PHLPP2: variants seen among roughly 807,000 people sequenced by gnomAD.
The protein encoded by PHLPP2 is PH domain leucine-rich repeat-containing protein phosphatase 2.
In PHLPP2, 66 loss-of-function variants were observed where a neutral mutation model predicts 124.9. The observed-to-expected ratio is 0.53, with a 90% CI of 0.43 to 0.65. The LOEUF is 0.65. PHLPP2 is among the 30% of genes least tolerant of loss of function. The pLI, the probability that PHLPP2 is intolerant of heterozygous loss-of-function variation, is 0.00. For missense variants in PHLPP2, 1,685 were observed against 1,600.4 expected, an observed-to-expected ratio of 1.05 and a Z score of -0.90; for synonymous variants, 681 against 624.7, an observed-to-expected ratio of 1.09 and a Z score of -1.34.
At chr16:71,655,033 A>G in intron 17 of PHLPP2, 1 of 510,204 alleles carries the variant, frequency 2.0e-6, no homozygotes, top group African/African-American at 1.9e-5. Flanking sequence ...TTTGGATTCA[A>G]CAGAGAAAAC....
chr16:71,704,521 A>G (rs1239853153), intron 2 of PHLPP2, among the ~76,000 whole-genome samples: 2 of 152,172 alleles, frequency 1.3e-5, no homozygotes, highest in East Asian at 3.9e-4. Context: ...AATCATACTG[A>G]TGTACAAAAA....
At position 71,645,571 on chromosome 16, in the gene PHLPP2, C is replaced by T. The variant is rs2044647867; in HGVS notation, c.*3319G>A. The T allele has an allele frequency of 6.5e-6, 1 of 152,734 alleles. No homozygotes were observed. The highest frequency in any genetic ancestry group is 2.1e-4 in the South Asian group (1 of 4,830). 9.5% of individuals were successfully genotyped at this position (152,734 alleles called of 1,614,324 possible). A position where few individuals can be genotyped will look rare whatever the true frequency, so the allele number is the denominator to read the frequency against. ...TGAGCCTGTGGCTTCCAAGTACCGG[C>T]TTTTGCTGAAGGTCTACATGGGAAG... On this transcript the variant is annotated 3_prime_UTR_variant, in exon 19 of 19. Coordinates refer to ENST00000568954, the MANE Select transcript of PHLPP2 (RefSeq NM_015020.3).
chr16:71,649,669 G>A lies in PHLPP2; in HGVS notation c.3193C>T (p.Pro1065Ser), dbSNP rs531387188. 1.9e-6 allele frequency: 3 copies of A among 1,614,080 alleles called. No individual in the cohort carries two copies. Among genetic ancestry groups the A allele is most frequent in the South Asian group, 1.1e-5 (1 of 91,080 alleles). Reference protein sequence around the residue: ...FASTTTIKDAPKPATPSSSSG... With the variant: ...FASTTTIKDASKPATPSSSSG... The stretch of plus-strand genomic sequence containing the variant: ...CTAGAGGATGGAGTGGCTGGCTTAG[G>A]GGCATCCTTGATAGTGGTGGTTGAA... The change falls in exon 19 of 19, where the codon CCT becomes TCT. Residue 1065 changes from proline to serine, a missense_variant. Coordinates refer to ENST00000568954, the MANE Select transcript of PHLPP2 (RefSeq NM_015020.3).
chr16:71,708,491 A>AGCCC (rs1425988100), intron 2 of PHLPP2, among the ~76,000 whole-genome samples: 1 of 152,188 alleles, frequency 6.6e-6, no homozygotes, highest in African/African-American at 2.4e-5. Flanking sequence ...TTTCCGACTC[A>AGCCC]GCCCGCCTGC....
At chr16:71,685,019 C>CA (rs1180864700) in intron 4 of PHLPP2, among the ~76,000 whole-genome samples, 1 of 152,024 alleles carries the variant, frequency 6.6e-6, no homozygotes, top group Non-Finnish European at 1.5e-5. Context: ...ATTCACAGCA[C>CA]AAAAATAGCT....
chr16:71,711,498 G>A (rs73580223), intron 2 of PHLPP2, among the ~76,000 whole-genome samples: 3 of 152,258 alleles, frequency 2.0e-5, no homozygotes, highest in Admixed American at 6.5e-5. Flanking sequence ...GAAGACAGAC[G>A]TAGTATAAGA....
chr16:71,661,838 T>G (rs376025830), intron 13 of PHLPP2, among the ~76,000 whole-genome samples: 34 of 151,930 alleles, frequency 2.2e-4, no homozygotes, highest in Admixed American at 5.2e-4. Flanking sequence ...GTTTTGTTTT[T>G]TTTGAGATGG....
chr16:71,684,023 C>T (rs1018983086), intron 5 of PHLPP2, among the ~76,000 whole-genome samples: 1 of 152,026 alleles, frequency 6.6e-6, no homozygotes, highest in Non-Finnish European at 1.5e-5. Context: ...AACTCCCGAC[C>T]TCAGGTGATC....
intron 16 of PHLPP2, among the ~76,000 whole-genome samples, chr16:71,655,997 T>C (rs2044739285): frequency 6.6e-6 from 1 of 152,192 alleles, no homozygotes; most frequent in Non-Finnish European, 1.5e-5. Context: ...ATAAAGCACT[T>C]TCTCTTAGTA....
At chr16:71,673,414 T>C (rs1396250608) in intron 9 of PHLPP2, among the ~76,000 whole-genome samples, 2 of 152,218 alleles carry the variant, frequency 1.3e-5, no homozygotes, top group African/African-American at 4.8e-5. Context: ...ATATCCCTGA[T>C]GACTAGTCAA....
Position 71,664,050 on chromosome 16 carries a change from C to A in PHLPP2, c.1834G>T (p.Ala612Ser), listed in dbSNP as rs751061799. The A allele has an allele frequency of 6.2e-7, 1 of 1,613,808 alleles. No individual in the cohort carries two copies. ...CTCAAACTCTCCTCTCCAGTGCAGG[C>A]GGATGGTAAAGACTCCAGACTATTT... The part of the protein sequence containing the change: ...SANSLESLPS[A>S]CTGEESLSML... The change falls in exon 13 of 19, where the codon GCC becomes TCC. Residue 612 changes from alanine to serine, a missense_variant. By Grantham distance (99) the Ala-to-Ser change is moderately conservative. Transcript: ENST00000568954.
Position 71,648,783 on chromosome 16 carries a change from C to CAA in PHLPP2, c.*105_*106dup, listed in dbSNP as rs374906434. ...AAGACTCCGTCTCAAAACAAACAAA[C>CAA]AAAAAAAAAACGAACAAACAAAAAG... On this transcript the variant is annotated 3_prime_UTR_variant, in exon 19 of 19. Transcript: ENST00000568954. The CAA allele has an allele frequency of 4.9e-5, 36 of 733,748 alleles. No homozygotes were observed. The highest frequency in any genetic ancestry group is 4.6e-4 in the Middle Eastern group (1 of 2,196). 45.5% of individuals were successfully genotyped at this position (733,748 alleles called of 1,614,324 possible).
chr16:71,652,954 C>G lies in PHLPP2; in HGVS notation c.2653G>C (p.Ala885Pro). 6.2e-7 allele frequency: 1 copy of G among 1,614,058 alleles called. No individual in the cohort carries two copies. The highest frequency in any genetic ancestry group is 1.1e-5 in the South Asian group (1 of 91,082). The change falls in exon 18 of 19, where the codon GCC (alanine) becomes CCC (proline). Residue 885 changes from alanine to proline, a missense_variant. By Grantham distance (27) the Ala-to-Pro change is conservative (BLOSUM62 -1). Transcript: ENST00000568954. ...ALLCYIRPDT[A>P]DPASSFSLTV... ...AAGCTAAAGCTACTTGCTGGATCGG[C>G]AGTGTCAGGGCGGATGTAGCACAGG... is the stretch of plus-strand genomic sequence containing the variant.
At chr16:71,684,687 T>C (rs2045037010) in intron 4 of PHLPP2, 86 bp from the exon 5 acceptor site, 1 of 1,281,270 alleles carries the variant, frequency 7.8e-7, no homozygotes, top group Non-Finnish European at 1.1e-6. Context: ...GACGAACAAC[T>C]GAATTTTTAA....
At position 71,663,829 on chromosome 16, in the gene PHLPP2, T is replaced by C. The variant is rs537438734; in HGVS notation, c.1985+70A>G. On this transcript the variant is annotated intron_variant, in intron 13 of 18. Transcript: ENST00000568954. ...AAACAAAGAGTCATAGTCAGATGGCTATATTTTTTCTGACAAATATAGAAT... is the reference window on the plus strand; with the variant it reads ...AAACAAAGAGTCATAGTCAGATGGCCATATTTTTTCTGACAAATATAGAAT... 4.3e-6 allele frequency: 5 copies of C among 1,170,068 alleles called. No homozygotes were observed. The Admixed American group carries it at 9.1e-5, about 21-fold the overall frequency. 72.5% of individuals were successfully genotyped at this position (1,170,068 alleles called of 1,614,324 possible).
chr16:71,714,978 A>C, intron 1 of PHLPP2, 177 bp from the exon 2 acceptor site: 1 of 725,662 alleles, frequency 1.4e-6, no homozygotes, highest in South Asian at 2.2e-5. Flanking sequence ...AGATAACTTA[A>C]TTTTCTTTAC....
At chr16:71,701,083 T>A (rs1286158133) in intron 3 of PHLPP2, among the ~76,000 whole-genome samples, 1 of 152,074 alleles carries the variant, frequency 6.6e-6, no homozygotes, top group African/African-American at 2.4e-5. Context: ...TGAAAGTGAA[T>A]CTTCCAGGCC....
At chr16:71,709,031 T>A (rs969217179) in intron 2 of PHLPP2, among the ~76,000 whole-genome samples, 8 of 152,090 alleles carry the variant, frequency 5.3e-5, no homozygotes, top group African/African-American at 1.9e-4. Context: ...TAACCTACCA[T>A]CAACTCTAAT....
intron 4 of PHLPP2, among the ~76,000 whole-genome samples, chr16:71,689,941 G>C (rs971147437): frequency 2.0e-5 from 3 of 152,114 alleles, no homozygotes; most frequent in Non-Finnish European, 4.4e-5. Flanking sequence ...AACTCAGATT[G>C]GTTTATGACA....
Sources: allele counts gnomAD v4.1 joint callset (sites outside exome capture counted in the v4.1 genomes callset), GRCh38; gene constraint gnomAD v4.1.1; transcripts MANE v1.5; gene names NCBI Gene and HGNC (gene_info 2026-07-23, HGNC 2026-07-21).